The following NFRKB variants were observed in gnomAD, a reference collection of about 807,000 sequenced individuals.
NFRKB encodes the protein nuclear factor related to kappaB binding protein, also known as nuclear factor related to kappa-B-binding protein.
NFRKB carries 62 observed loss-of-function variants against 135.7 expected under a neutral mutation model. That is an observed-to-expected ratio of 0.46 (90% CI 0.37 to 0.56). The LOEUF (loss-of-function observed/expected upper bound fraction) is 0.56, where lower values mean the gene tolerates loss of function less well. Ranked by LOEUF, NFRKB falls within the 20% of genes least tolerant of loss-of-function variation. NFRKB has a pLI of 0.00. For missense variants in NFRKB, 1,545 were observed against 1,662.0 expected (o/e 0.93, Z 1.22); for synonymous variants, 678 against 635.6 (o/e 1.07, Z -1.00).
In NFRKB at chr11:129,874,284, G is replaced by A; in HGVS notation, c.2108C>T (p.Ser703Phe). ...ACTGAGGCTCATCTGGCTCTGCTCA[G>A]AAGGGCCACTGCTAAGGACCTTTAT... ...SSIKVLSSGP[S>F]EQSQMSLSDS... The change falls in exon 21 of 27, where the codon TCT becomes TTT. Residue 703 changes from serine (S) to phenylalanine (F), a missense_variant. Physicochemically the swap from Ser to Phe is radical, Grantham distance 155. Transcript: ENST00000682444. The surrounding 1 kb of genome is among the most constrained non-coding windows in gnomAD (Gnocchi z 4.5). The A allele has an allele frequency of 6.6e-7, 1 of 1,516,536 alleles. No individual in the cohort carries two copies. Among genetic ancestry groups the A allele is most frequent in the South Asian group, 1.4e-5 (1 of 73,722 alleles). 93.9% of individuals were successfully genotyped at this position (1,516,536 alleles called of 1,614,324 possible).
chr11:129,894,238 C>T (rs1303574065), intron 2 of NFRKB, 121 bp downstream of exon 2: 1 of 152,142 alleles, frequency 6.6e-6, no homozygotes, highest in Non-Finnish European at 1.5e-5. Flanking sequence ...CTTTCCAGCT[C>T]CTATTCCTAC....
intron 17 of NFRKB, among the ~76,000 whole-genome samples, chr11:129,876,284 CA>C (rs1948762380): frequency 6.6e-6 from 1 of 152,160 alleles, no homozygotes. Context: ...CTTGTTTTAA[CA>C]TTTTGATAAC....
intron 1 of NFRKB, among the ~76,000 whole-genome samples, chr11:129,895,169 C>A (rs1324604585): frequency 6.6e-6 from 1 of 152,188 alleles, no homozygotes; most frequent in African/African-American, 2.4e-5. Flanking sequence ...CTGGACCCTC[C>A]CCAACGCAGA....
intron 22 of NFRKB, 56 bp from the exon 23 acceptor site, chr11:129,873,152 C>T (rs753472011): frequency 1.7e-5 from 25 of 1,454,654 alleles, no homozygotes; most frequent in Non-Finnish European, 2.2e-5. Flanking sequence ...CAGACCAGCA[C>T]TCTAAGCAAG....
chr11:129,891,540 A>ACGAC (rs1225292929), intron 3 of NFRKB, among the ~76,000 whole-genome samples: 1 of 152,084 alleles, frequency 6.6e-6, no homozygotes, highest in Non-Finnish European at 1.5e-5. Flanking sequence ...ACTGGGGTGA[A>ACGAC]CGACCCCCAG....
intron 3 of NFRKB, among the ~76,000 whole-genome samples, chr11:129,890,958 G>A (rs1949533321): frequency 6.6e-6 from 1 of 152,162 alleles, no homozygotes; most frequent in Non-Finnish European, 1.5e-5. Flanking sequence ...CTATTAGTAA[G>A]TGGTCTTATT....
chr11:129,876,949 T>C (rs1948794724), intron 16 of NFRKB, 54 bp from the exon 17 acceptor site: 19 of 1,526,774 alleles, frequency 1.2e-5, no homozygotes, highest in Non-Finnish European at 1.5e-5. Flanking sequence ...GGGTTCTCTC[T>C]CGGGCTTCCT....
chr11:129,888,802 G>A lies in NFRKB; in HGVS notation c.136-7C>T. ...CATCAAAGAAGATCTCAGGCTAGGA[G>A]AAATAGGAAAAGTAAACAAAAGTAA... On this transcript the variant is annotated splice_region_variant and splice_polypyrimidine_tract_variant and intron_variant, in intron 3 of 26. Transcript: ENST00000682444. 6.2e-7 allele frequency: 1 copy of A among 1,606,352 alleles called. No homozygotes were observed. The highest frequency in any genetic ancestry group is 8.5e-7 in the Non-Finnish European group (1 of 1,174,700).
intron 17 of NFRKB, 60 bp downstream of exon 17, chr11:129,876,658 TTGG>T: frequency 6.4e-7 from 1 of 1,557,290 alleles, no homozygotes; most frequent in Non-Finnish European, 8.7e-7. Flanking sequence ...GAGTTCAGAG[TTGG>T]TAAGAGAAAA....
chr11:129,881,615 A>C, intron 12 of NFRKB, 107 bp from the exon 13 acceptor site: 2 of 1,589,106 alleles, frequency 1.3e-6, no homozygotes, highest in Non-Finnish European at 1.7e-6. Flanking sequence ...CCTTCAAGGC[A>C]TAGCATTATG....
At chr11:129,883,694 C>G (rs1565415115) in intron 8 of NFRKB, among the ~76,000 whole-genome samples, 1 of 152,216 alleles carries the variant, frequency 6.6e-6, no homozygotes, top group East Asian at 1.9e-4. Context: ...GCTACCTCAA[C>G]TTGGTAGCAT....
chr11:129,887,737 A>G (rs1949345858), intron 4 of NFRKB, among the ~76,000 whole-genome samples: 1 of 152,222 alleles, frequency 6.6e-6, no homozygotes, highest in Admixed American at 6.5e-5. Flanking sequence ...AGGAACAATC[A>G]AGAGAATTTG....
chr11:129,876,600 T>C (rs1244247111), intron 17 of NFRKB, 121 bp downstream of exon 17: 3 of 1,060,708 alleles, frequency 2.8e-6, no homozygotes, highest in African/African-American at 1.6e-5. Context: ...TGAAAAACTA[T>C]GCCTTGTTCT....
chr11:129,888,310 AC>A (rs1949376236), intron 4 of NFRKB: 1 of 605,436 alleles, frequency 1.7e-6, no homozygotes, highest in African/African-American at 1.9e-5. Flanking sequence ...CATGAAGGGC[AC>A]CTCTAGTATG....
chr11:129,878,049 T>C (rs1460472625), intron 15 of NFRKB, among the ~76,000 whole-genome samples: 2 of 152,040 alleles, frequency 1.3e-5, no homozygotes, highest in African/African-American at 4.8e-5. Flanking sequence ...GGAGTACACA[T>C]TAAAAAAGTA....
At chr11:129,866,895 C>T (rs1315517075) in intron 24 of NFRKB, among the ~76,000 whole-genome samples, 3 of 152,124 alleles carry the variant, frequency 2.0e-5, no homozygotes, top group African/African-American at 7.2e-5. Context: ...CACAACTGCG[C>T]GGCAGGTCCC....
intron 7 of NFRKB, 25 bp downstream of exon 7, chr11:129,884,720 G>A (rs946449219): frequency 6.2e-7 from 1 of 1,612,542 alleles, no homozygotes; most frequent in Non-Finnish European, 8.5e-7. Context: ...TCCCAGAATG[G>A]TGACAGCGGC....
Position 129,870,034 on chromosome 11 carries a change from T to C in NFRKB, c.2991A>G (p.Thr997=). The change falls in exon 24 of 27, where the codon ACA becomes ACG. Residue 997 remains threonine, a synonymous_variant. Coordinates refer to ENST00000682444, the MANE Select transcript of NFRKB (RefSeq NM_001143835.2). ...TGCCTTTGCCTGTAGTGTTGCCTCC[T>C]GTCCCGAAGAGGTCCTGGGTCAATT... ...TVKLTQDLFG[T]GGNTTGKGIS... is the part of the protein sequence containing the mutation. 2 of 1,614,284 alleles carry C rather than the reference T, an allele frequency of 1.2e-6. No individual in the cohort carries two copies. Among genetic ancestry groups the C allele is most frequent in the South Asian group, 1.1e-5 (1 of 91,092 alleles).
intron 24 of NFRKB, among the ~76,000 whole-genome samples, chr11:129,869,006 G>A (rs1948357754): frequency 6.6e-6 from 1 of 152,156 alleles, no homozygotes; most frequent in Non-Finnish European, 1.5e-5. Flanking sequence ...GGCAACAAGA[G>A]TGAGACTCCA....
Sources: allele counts gnomAD v4.1 joint callset (sites outside exome capture counted in the v4.1 genomes callset), GRCh38; gene constraint gnomAD v4.1.1; non-coding constraint Gnocchi (gnomAD v3.1); transcripts MANE v1.5; gene names NCBI Gene and HGNC (gene_info 2026-07-23, HGNC 2026-07-21).